Variants in MRTFB observed in about 807,000 individuals in gnomAD.
The protein encoded by MRTFB is myocardin related transcription factor B.
Under a neutral mutation model 104.2 loss-of-function variants are expected in MRTFB, and 29 were observed. The ratio of observed to expected loss-of-function variants is 0.28; its 90% CI spans 0.21 to 0.38. The LOEUF (loss-of-function observed/expected upper bound fraction) is 0.38. Among genes scored for constraint, MRTFB ranks in the 10% least tolerant of loss-of-function variants. MRTFB has a pLI of 1.00. For missense variants in MRTFB, 1,270 were observed against 1,341.6 expected (o/e 0.95, Z 0.83); for synonymous variants, 535 against 519.5 (o/e 1.03, Z -0.41).
intron 2 of MRTFB, among the ~76,000 whole-genome samples, chr16:14,127,908 T>TATAC: frequency 2.6e-5 from 1 of 38,706 alleles, no homozygotes. Context: ...TGAATATATA[T>TATAC]ATATATATAT....
At chr16:14,202,064 A>AT (rs909329606) in intron 3 of MRTFB, among the ~76,000 whole-genome samples, 7 of 151,912 alleles carry the variant, frequency 4.6e-5, no homozygotes, top group Non-Finnish European at 8.8e-5. Context: ...TATTAGAGTG[A>AT]TAGCTTTGAA....
At chr16:14,014,065 C>A in the MRTFB span, among the ~76,000 whole-genome samples, 8 of 152,248 alleles carry the variant, frequency 5.3e-5, no homozygotes, top group Admixed American at 4.6e-4. Context: ...TCCAGAAGGG[C>A]AGGACCCATG....
chr16:14,088,819 A>G (rs1240199560), intron 2 of MRTFB, among the ~76,000 whole-genome samples: 1 of 152,210 alleles, frequency 6.6e-6, no homozygotes, highest in South Asian at 2.1e-4. Context: ...TTCGTGAGGA[A>G]AAAGGACTTT....
chr16:14,134,115 C>G (rs887551392), intron 2 of MRTFB, among the ~76,000 whole-genome samples: 2 of 152,122 alleles, frequency 1.3e-5, no homozygotes, highest in African/African-American at 2.4e-5. Context: ...GCAGTTTGCT[C>G]CATGTTGTGT....
chr16:14,020,606 C>T, the MRTFB span: 1 of 152,128 alleles, frequency 6.6e-6, no homozygotes, highest in Non-Finnish European at 1.5e-5. Flanking sequence ...AAGGAGCCAC[C>T]CCCAAGAAAA....
At chr16:14,052,478 G>A in the MRTFB span, among the ~76,000 whole-genome samples, 15 of 152,008 alleles carry the variant, frequency 9.9e-5, no homozygotes, top group South Asian at 2.1e-4. Flanking sequence ...TGGCTCACGC[G>A]TGTAATACCA....
chr16:14,100,436 T>C (rs1280983694), intron 2 of MRTFB, among the ~76,000 whole-genome samples: 1 of 152,242 alleles, frequency 6.6e-6, no homozygotes, highest in Non-Finnish European at 1.5e-5. Flanking sequence ...CTTACATTCC[T>C]AGGATAAACC....
chr16:14,065,310 T>A, the MRTFB span, among the ~76,000 whole-genome samples: 1 of 152,206 alleles, frequency 6.6e-6, no homozygotes, highest in Non-Finnish European at 1.5e-5. Context: ...ATTGATTTTG[T>A]ATCCAGAAAC....
chr16:14,187,045 T>A (rs776752688), intron 3 of MRTFB: 1 of 1,589,920 alleles, frequency 6.3e-7, no homozygotes, highest in Non-Finnish European at 8.5e-7. Flanking sequence ...GGTCAGTCTG[T>A]CTGTGGACAG....
chr16:14,171,576 A>G (rs1352838023), intron 3 of MRTFB, among the ~76,000 whole-genome samples: 1 of 152,000 alleles, frequency 6.6e-6, no homozygotes, highest in African/African-American at 2.4e-5. Context: ...AGATATCCTT[A>G]ATGATAACTC....
At chr16:14,014,945 C>T in the MRTFB span, among the ~76,000 whole-genome samples, 2 of 152,190 alleles carry the variant, frequency 1.3e-5, no homozygotes, top group African/African-American at 2.4e-5. Context: ...CCCAACACCT[C>T]CACACTCCCC....
At chr16:14,226,396 A>G (rs999019404) in intron 8 of MRTFB, among the ~76,000 whole-genome samples, 6 of 152,184 alleles carry the variant, frequency 3.9e-5, no homozygotes, top group Non-Finnish European at 8.8e-5. Flanking sequence ...GGATCAAATG[A>G]TCTTCAACAA....
intron 3 of MRTFB, among the ~76,000 whole-genome samples, chr16:14,172,203 CTAAT>C (rs1567412351): frequency 1.3e-5 from 2 of 152,198 alleles, no homozygotes; most frequent in South Asian, 4.1e-4. Context: ...TCATTGATTT[CTAAT>C]TTGTCCTTCC....
In MRTFB at chr16:14,266,416, AAAG is replaced by A. The variant is rs1199615222; in HGVS notation, c.*4973_*4975del. On this transcript the variant is annotated 3_prime_UTR_variant, in exon 17 of 17. Transcript: ENST00000571589. ...GTCTTAGCATCTCACTTTATGAAAA[AAAG>A]GAGAAAGATACCAATCTACAGAGCC... The A allele has an allele frequency of 6.6e-6, 1 of 152,172 alleles. No homozygotes were observed. The highest frequency in any genetic ancestry group is 2.4e-5 in the African/African-American group (1 of 41,432). The allele number at this position is 152,172 out of a possible 1,614,324, so 9.4% of individuals were successfully genotyped here.
chr16:14,134,108 G>C lies in MRTFB; in HGVS notation c.-63-6436G>C, dbSNP rs1013675971. Among the ~76,000 whole-genome samples the C allele has an allele frequency of 2.0e-5, 3 of 152,166 alleles. No individual in the cohort carries two copies. In the East Asian group the frequency reaches 5.8e-4, roughly 29 times the overall value. Reference sequence around the variant, plus strand: ...TATCATGTTGGAGGGTTAGTGTGCAGTTTGCTCCATGTTGTGTTCATTTGA... The same window carrying C: ...TATCATGTTGGAGGGTTAGTGTGCACTTTGCTCCATGTTGTGTTCATTTGA... On this transcript the variant is annotated intron_variant, in intron 2 of 16. Coordinates refer to ENST00000571589, the MANE Select transcript of MRTFB (RefSeq NM_001308142.2).
At chr16:14,251,263 G>A (rs1294803455) in intron 13 of MRTFB, among the ~76,000 whole-genome samples, 1 of 151,448 alleles carries the variant, frequency 6.6e-6, no homozygotes, top group East Asian at 1.9e-4. Flanking sequence ...TGTAGTCCCA[G>A]CTACTTGGGA....
intron 8 of MRTFB, 93 bp downstream of exon 8, chr16:14,219,091 C>A: frequency 8.1e-7 from 1 of 1,231,020 alleles, no homozygotes; most frequent in Non-Finnish European, 1.1e-6. Flanking sequence ...GAAGAAAATT[C>A]TGAATTGAAT....
At chr16:14,074,986 C>T (rs1285208409) in intron 1 of MRTFB, among the ~76,000 whole-genome samples, 1 of 152,160 alleles carries the variant, frequency 6.6e-6, no homozygotes, top group Non-Finnish European at 1.5e-5. Flanking sequence ...ATAATATAAC[C>T]AGACAGTTGT....
At chr16:14,210,927 G>A (rs2041165585) in intron 4 of MRTFB, among the ~76,000 whole-genome samples, 1 of 152,174 alleles carries the variant, frequency 6.6e-6, no homozygotes, top group South Asian at 2.1e-4. Context: ...CAAGTTTGGA[G>A]GTGGTTTTAT....
Sources: allele counts gnomAD v4.1 joint callset (sites outside exome capture counted in the v4.1 genomes callset), GRCh38; gene constraint gnomAD v4.1.1; transcripts MANE v1.5; gene names NCBI Gene and HGNC (gene_info 2026-07-23, HGNC 2026-07-21).